CFLAR: variants seen among roughly 807,000 people sequenced by gnomAD.
The protein encoded by CFLAR is CASP8 and FADD-like apoptosis regulator.
In CFLAR, 14 loss-of-function variants were observed where a neutral mutation model predicts 51.1. The ratio of observed to expected loss-of-function variants is 0.27; its 90% CI spans 0.18 to 0.43. The LOEUF (loss-of-function observed/expected upper bound fraction) is 0.43, where lower values mean the gene tolerates loss of function less well. Among genes scored for constraint, CFLAR ranks in the 20% least tolerant of loss-of-function variants. The probability of loss-of-function intolerance (pLI) is 1.00; values close to 1 mark genes in which losing one functional copy is unlikely to be tolerated. For missense variants in CFLAR, 390 were observed against 566.5 expected (o/e 0.69, Z 3.16); for synonymous variants, 210 against 211.6 (o/e 0.99, Z 0.06).
intron 4 of CFLAR, chr2:201,137,795 C>G: frequency 8.5e-7 from 1 of 1,173,690 alleles, no homozygotes; most frequent in East Asian, 2.3e-5. Context: ...TGCTGCTGCT[C>G]TTCTCCATGG....
At chr2:201,151,139 TG>T (rs1245660058) in intron 8 of CFLAR, 1 of 152,230 alleles carries the variant, frequency 6.6e-6, no homozygotes, top group Non-Finnish European at 1.5e-5. Context: ...TCAGTTCTGC[TG>T]TCCTTTGCTT....
intron 4 of CFLAR, 90 bp from the exon 5 acceptor site, chr2:201,140,267 G>C: frequency 6.7e-7 from 1 of 1,497,504 alleles, no homozygotes; most frequent in Non-Finnish European, 9.0e-7. Flanking sequence ...TTTGAAAGAT[G>C]GTGATTGACC....
At chr2:201,153,460 C>T (rs1229479824) in intron 8 of CFLAR, 1 of 152,224 alleles carries the variant, frequency 6.6e-6, no homozygotes, top group Non-Finnish European at 1.5e-5. Context: ...GGCCCAGAAT[C>T]CTGCCTTGGT....
rs1355935135 is a variant in CFLAR at position 201,138,577 on chromosome 2, G to A, written c.524-1780G>A. 11 of 1,594,770 alleles carry A rather than the reference G, an allele frequency of 6.9e-6. No individual in the cohort carries two copies. The highest frequency in any genetic ancestry group is 2.2e-5 in the South Asian group (2 of 90,790). On this transcript the variant is annotated intron_variant, in intron 4 of 9. Transcript: ENST00000309955. The surrounding 1 kb of genome is among the most constrained non-coding windows in gnomAD (Gnocchi z 4.0). ...TTCTCAGCAAGAAAGTCGATGTCTC[G>A]GGAGGTGACGATGCCCACCAGCTTG...
chr2:201,155,337 C>G (rs1256935742), intron 8 of CFLAR, among the ~76,000 whole-genome samples: 2 of 151,770 alleles, frequency 1.3e-5, no homozygotes, highest in East Asian at 3.8e-4. Context: ...GTTATCTTGG[C>G]TCACTGCAAC....
chr2:201,132,427 A>T (rs866103998), intron 2 of CFLAR, among the ~76,000 whole-genome samples: 3 of 114,508 alleles, frequency 2.6e-5, no homozygotes, highest in African/African-American at 4.2e-5. Context: ...CTAGGGGGGG[A>T]AAAATATATA....
At chr2:201,128,080 T>A (rs1489865227) in intron 1 of CFLAR, among the ~76,000 whole-genome samples, 1 of 152,246 alleles carries the variant, frequency 6.6e-6, no homozygotes, top group African/African-American at 2.4e-5. Context: ...TGAATTTGTA[T>A]AATATCTCAT....
In CFLAR at chr2:201,168,919, A is replaced by G. The variant is rs1288253826; in HGVS notation, c.*4946A>G. ...GAATACAGCTAATAAGATGTGAAGG[A>G]TCTCTTCAAGGAGAACTACAAACCA... On this transcript the variant is annotated 3_prime_UTR_variant, in exon 10 of 10. Transcript: ENST00000309955. The G allele has an allele frequency of 6.6e-6, 1 of 152,216 alleles. No homozygotes were observed. Among genetic ancestry groups the G allele is most frequent in the Non-Finnish European group, 1.5e-5 (1 of 68,038 alleles). 9.4% of individuals were successfully genotyped at this position (152,216 alleles called of 1,614,324 possible). A position where few individuals can be genotyped will look rare whatever the true frequency, so the allele number is the denominator to read the frequency against.
chr2:201,163,015 G>A (rs1324378329), intron 9 of CFLAR: 1 of 754,996 alleles, frequency 1.3e-6, no homozygotes, highest in African/African-American at 1.7e-5. Context: ...TCCCGGAAGT[G>A]GAATTACAGA....
intron 1 of CFLAR, among the ~76,000 whole-genome samples, chr2:201,127,706 G>T (rs1473548827): frequency 6.6e-6 from 1 of 152,110 alleles, no homozygotes; most frequent in Non-Finnish European, 1.5e-5. Context: ...ATCTGAGTGG[G>T]CTGGCTCCAC....
At chr2:201,129,249 T>G (rs1188799333) in intron 1 of CFLAR, 1 of 152,516 alleles carries the variant, frequency 6.6e-6, no homozygotes, top group Admixed American at 6.5e-5. Flanking sequence ...AAACTTCTTT[T>G]CTCCATTGTT....
chr2:201,133,688 TG>T (rs1305060326), intron 3 of CFLAR, among the ~76,000 whole-genome samples: 1 of 151,960 alleles, frequency 6.6e-6, no homozygotes. Flanking sequence ...CCCAGCACTT[TG>T]GGGGGCCAAG....
At chr2:201,142,178 G>A (rs1939070184) in intron 5 of CFLAR, among the ~76,000 whole-genome samples, 2 of 151,994 alleles carry the variant, frequency 1.3e-5, no homozygotes. Context: ...GGAGGCTGAG[G>A]TGGGAGAAAT....
intron 2 of CFLAR, among the ~76,000 whole-genome samples, chr2:201,130,906 T>C (rs1248043427): frequency 6.6e-6 from 1 of 152,230 alleles, no homozygotes; most frequent in Non-Finnish European, 1.5e-5. Context: ...GACAGTAATC[T>C]TCCTACCTTT....
Position 201,168,279 on chromosome 2 carries a change from T to C in CFLAR, c.*4306T>C, listed in dbSNP as rs1943787428. The C allele has an allele frequency of 6.6e-6, 1 of 152,064 alleles. No individual in the cohort carries two copies. 9.4% of individuals were successfully genotyped at this position (152,064 alleles called of 1,614,324 possible). On this transcript the variant is annotated 3_prime_UTR_variant, in exon 10 of 10. Transcript: ENST00000309955. ...ATAAATAAATAATAAATAAAATGTTTGGAATGTTGGCTTCATCCCTGGGAT... is the reference window on the plus strand; with the variant it reads ...ATAAATAAATAATAAATAAAATGTTCGGAATGTTGGCTTCATCCCTGGGAT...
intron 1 of CFLAR, among the ~76,000 whole-genome samples, chr2:201,122,118 G>T (rs554574635): frequency 7.9e-5 from 12 of 152,326 alleles, no homozygotes; most frequent in African/African-American, 2.6e-4. Context: ...AACTCAGGCA[G>T]CTTGACCTGT....
chr2:201,154,241 G>T, intron 8 of CFLAR: 1 of 183,784 alleles, frequency 5.4e-6, no homozygotes, highest in Non-Finnish European at 1.2e-5. Context: ...ACAGGCATGT[G>T]CCACCATGCC....
At position 201,169,608 on chromosome 2, in the gene CFLAR, A is replaced by T. The variant is rs1203540557; in HGVS notation, c.*5635A>T. The T allele has an allele frequency of 1.3e-5, 2 of 152,210 alleles. No homozygotes were observed. Among genetic ancestry groups the T allele is most frequent in the Non-Finnish European group, 2.9e-5 (2 of 68,036 alleles). 9.4% of individuals were successfully genotyped at this position (152,210 alleles called of 1,614,324 possible). A position where few individuals can be genotyped will look rare whatever the true frequency, so the allele number is the denominator to read the frequency against. ...AACAAAAGCAAAAATTACAAATGGG[A>T]TCTAATTAAACTAAAGAGCTCCTGC... On this transcript the variant is annotated 3_prime_UTR_variant, in exon 10 of 10. Transcript: ENST00000309955.
intron 7 of CFLAR, 78 bp downstream of exon 7, chr2:201,149,130 C>T (rs1940813461): frequency 1.0e-6 from 1 of 956,986 alleles, no homozygotes; most frequent in Admixed American, 1.8e-5. Context: ...AATACCTGTC[C>T]ATTAAGAATT....
Sources: gnomAD v4.1 joint callset for allele counts (sites outside exome capture counted in the v4.1 genomes callset) on GRCh38, gnomAD v4.1.1 for gene constraint, Gnocchi (gnomAD v3.1) non-coding constraint, MANE v1.5 for transcripts, NCBI Gene and HGNC (gene_info 2026-07-23, HGNC 2026-07-21) for gene names.